Variants in GAD1 observed in about 807,000 individuals in gnomAD.
The protein encoded by GAD1 is 67 kDa glutamic acid decarboxylase.
In GAD1, 35 loss-of-function variants were observed where a neutral mutation model predicts 75.2. The ratio of observed to expected loss-of-function variants is 0.47; its 90% CI spans 0.36 to 0.62. The LOEUF (loss-of-function observed/expected upper bound fraction) is 0.62, where lower values mean the gene tolerates loss of function less well. Ranked by LOEUF, GAD1 falls within the 20% of genes least tolerant of loss-of-function variation. GAD1 has a pLI of 0.00. For synonymous variants in GAD1, 257 were observed against 271.9 expected (o/e 0.95, Z 0.54); for missense variants, 490 against 758.5 (o/e 0.65, Z 4.16).
chr2:170,857,596 T>C (rs1702878680), intron 15 of GAD1, among the ~76,000 whole-genome samples: 1 of 152,148 alleles, frequency 6.6e-6, no homozygotes, highest in African/African-American at 2.4e-5. Flanking sequence ...AAAAAATATA[T>C]ATAATTTATG....
chr2:170,853,843 C>T lies in GAD1; in HGVS notation c.1264-30C>T, dbSNP rs779299176. The T allele has an allele frequency of 7.4e-6, 12 of 1,612,862 alleles. No homozygotes were observed. Among genetic ancestry groups the T allele is most frequent in the Non-Finnish European group, 1.0e-5 (12 of 1,179,070 alleles). ...CACCCACATCTCTGATGTGTAAATG[C>T]AGATGCACCCATCTTAATTTCCATG... is the stretch of plus-strand genomic sequence containing the variant. On this transcript the variant is annotated intron_variant, in intron 13 of 16. Coordinates refer to ENST00000358196, the MANE Select transcript of GAD1 (RefSeq NM_000817.3). The surrounding 1 kb of genome is among the most constrained non-coding windows in gnomAD (Gnocchi z 4.1).
intron 3 of GAD1, among the ~76,000 whole-genome samples, chr2:170,828,619 G>GCCCTCCTCCCTCTGCTGTCCTCA (rs1242690364): frequency 3.6e-5 from 3 of 84,246 alleles, no homozygotes; most frequent in East Asian, 4.4e-4. Context: ...TGTTGTCCTT[G>GCCCTCCTCCCTCTGCTGTCCTCA]CCCTCCTCCC....
rs1225715250 is a variant in GAD1 at position 170,860,874 on chromosome 2, T to G, written c.*992T>G. Reference sequence around the variant, plus strand: ...AATAGCATCTGCTCTTCTCTTACGCTCTCTGTCTGGCTGTACGTCTGGTGT... The same window carrying G: ...AATAGCATCTGCTCTTCTCTTACGCGCTCTGTCTGGCTGTACGTCTGGTGT... On this transcript the variant is annotated 3_prime_UTR_variant, in exon 17 of 17. Coordinates refer to ENST00000358196, the MANE Select transcript of GAD1 (RefSeq NM_000817.3). 6.7e-6 allele frequency: 1 copy of G among 149,996 alleles called. No homozygotes were observed. The highest frequency in any genetic ancestry group is 1.5e-5 in the Non-Finnish European group (1 of 68,028). The allele number at this position is 149,996 out of a possible 1,614,324, so 9.3% of individuals were successfully genotyped here. A position where few individuals can be genotyped will look rare whatever the true frequency, so the allele number is the denominator to read the frequency against.
intron 5 of GAD1, among the ~76,000 whole-genome samples, 189 bp from the exon 6 acceptor site, chr2:170,836,604 T>C (rs1387019917): frequency 6.6e-6 from 1 of 152,220 alleles, no homozygotes. Context: ...TTGAGGGACA[T>C]TATGAATGTT....
chr2:170,843,958 C>T, intron 6 of GAD1, 87 bp from the exon 7 acceptor site: 1 of 776,082 alleles, frequency 1.3e-6, no homozygotes, highest in Non-Finnish European at 2.3e-6. Context: ...AACCCAACTA[C>T]AAATACTAAA....
chr2:170,827,642 G>A (rs1046056807), intron 3 of GAD1, among the ~76,000 whole-genome samples: 3 of 152,146 alleles, frequency 2.0e-5, no homozygotes, highest in African/African-American at 4.8e-5. Flanking sequence ...TGAGAATCCC[G>A]CCCTGGGCTC....
At chr2:170,825,033 T>C (rs1374122914) in intron 3 of GAD1, among the ~76,000 whole-genome samples, 1 of 152,050 alleles carries the variant, frequency 6.6e-6, no homozygotes, top group Non-Finnish European at 1.5e-5. Context: ...CTGGTTTCTC[T>C]TGAAAAAACT....
Position 170,845,585 on chromosome 2 carries a change from G to C in GAD1, c.831G>C (p.Ala277=). 1 of 1,614,134 alleles carries C rather than the reference G, an allele frequency of 6.2e-7. No individual in the cohort carries two copies. The highest frequency in any genetic ancestry group is 1.1e-5 in the South Asian group (1 of 91,082). Residue 277 remains alanine (A), a synonymous_variant, in exon 8 of 17, where the codon GCG becomes GCC. Transcript: ENST00000358196. ...YFPEVKTKGM[A]AVPKLVLFTS... ...CGGAAGTTAAGACAAAGGGCATGGC[G>C]GCTGTGCCTAAACTGGTCCTCTTCA...
rs963534903 is a variant in GAD1 at position 170,853,295 on chromosome 2, C to T, written c.1263+503C>T. 1 of 208,270 alleles carries T rather than the reference C, an allele frequency of 4.8e-6. No homozygotes were observed. Among genetic ancestry groups the T allele is most frequent in the African/African-American group, 2.3e-5 (1 of 43,274 alleles). 12.9% of individuals were successfully genotyped at this position (208,270 alleles called of 1,614,324 possible). ...GTTGAGCCTCATATTCCCTTCTTCA[C>T]ATGCCTAATGTTAGGATCCTGCCCT... On this transcript the variant is annotated intron_variant, in intron 13 of 16. Coordinates refer to ENST00000358196, the MANE Select transcript of GAD1 (RefSeq NM_000817.3). The surrounding 1 kb of genome is among the most constrained non-coding windows in gnomAD (Gnocchi z 4.1).
At chr2:170,855,806 G>A (rs912614487) in intron 14 of GAD1, among the ~76,000 whole-genome samples, 2 of 146,674 alleles carry the variant, frequency 1.4e-5, no homozygotes, top group Non-Finnish European at 3.0e-5. Flanking sequence ...CCAGGAGGCG[G>A]AGGTTGCAGT....
chr2:170,859,979 T>C lies in GAD1; in HGVS notation c.*97T>C, dbSNP rs1385194832. On this transcript the variant is annotated 3_prime_UTR_variant, in exon 17 of 17. Transcript: ENST00000358196. ...TTGCTGAAACACACAGGCCATTTCA[T>C]TGAGGGAAAACATAATATCTTGAAG... is the stretch of plus-strand genomic sequence containing the variant. 9 of 1,081,912 alleles carry C rather than the reference T, an allele frequency of 8.3e-6. No homozygotes were observed. Among genetic ancestry groups the C allele is most frequent in the Admixed American group, 3.9e-5 (2 of 51,162 alleles). 67.0% of individuals were successfully genotyped at this position (1,081,912 alleles called of 1,614,324 possible). A position where few individuals can be genotyped will look rare whatever the true frequency, so the allele number is the denominator to read the frequency against.
At chr2:170,836,197 G>T (rs548332009) in intron 5 of GAD1, among the ~76,000 whole-genome samples, 2 of 151,186 alleles carry the variant, frequency 1.3e-5, no homozygotes, top group African/African-American at 4.9e-5. Context: ...CCAGCCACAC[G>T]TCCCTAGATA....
At position 170,857,005 on chromosome 2, in the gene GAD1, C is replaced by G; in HGVS notation, c.1414-13C>G. 1 of 1,609,382 alleles carries G rather than the reference C, an allele frequency of 6.2e-7. No homozygotes were observed. Among genetic ancestry groups the G allele is most frequent in the Non-Finnish European group, 8.5e-7 (1 of 1,175,912 alleles). On this transcript the variant is annotated splice_polypyrimidine_tract_variant and intron_variant, in intron 14 of 16. Coordinates refer to ENST00000358196, the MANE Select transcript of GAD1 (RefSeq NM_000817.3). ...AAATGCAACCACAAACATGACTTTTCTCTTTAAAACAGGGCACAGTGGGAT... is the reference window on the plus strand; with the variant it reads ...AAATGCAACCACAAACATGACTTTTGTCTTTAAAACAGGGCACAGTGGGAT...
At chr2:170,859,627 A>G in intron 16 of GAD1, 82 bp from the exon 17 acceptor site, 2 of 1,391,158 alleles carry the variant, frequency 1.4e-6, no homozygotes, top group South Asian at 2.4e-5. Flanking sequence ...CACAAATAGT[A>G]AAATGCAAGT....
At chr2:170,855,896 G>T (rs964128278) in intron 14 of GAD1, among the ~76,000 whole-genome samples, 4 of 117,826 alleles carry the variant, frequency 3.4e-5, no homozygotes, top group Admixed American at 8.2e-5. Flanking sequence ...AAAAAAAAAA[G>T]CCATAAACGG....
Position 170,818,341 on chromosome 2 carries a change from A to G in GAD1, c.-63-188A>G. 1 of 526,272 alleles carries G rather than the reference A, an allele frequency of 1.9e-6. No individual in the cohort carries two copies. The highest frequency in any genetic ancestry group is 2.0e-5 in the South Asian group (1 of 49,118). 32.6% of individuals were successfully genotyped at this position (526,272 alleles called of 1,614,324 possible). A position where few individuals can be genotyped will look rare whatever the true frequency, so the allele number is the denominator to read the frequency against. On this transcript the variant is annotated intron_variant, in intron 1 of 16. Coordinates refer to ENST00000358196, the MANE Select transcript of GAD1 (RefSeq NM_000817.3). This position sits in a 1 kb window ranked among gnomAD's most constrained non-coding sequence, Gnocchi z 5.9. Reference sequence around the variant, plus strand: ...CTCCCTGCGCCCCAGTACCGGAGCTAGCGCGCACGTCTCCTCCGCTGCCCC... The same window carrying G: ...CTCCCTGCGCCCCAGTACCGGAGCTGGCGCGCACGTCTCCTCCGCTGCCCC...
In GAD1 at chr2:170,857,092, CAG is replaced by C; in HGVS notation, c.1492_1493del (p.Glu498ArgfsTer3). On this transcript the variant is annotated frameshift_variant, in exon 15 of 17. Coordinates refer to ENST00000358196, the MANE Select transcript of GAD1 (RefSeq NM_000817.3). LOFTEE classifies it high-confidence loss of function. ...AATACCTCTATGCCAAGATTAAAAA[CAG>C]AGAAGAATTTGAGATGGTTTTCAAT... is the stretch of plus-strand genomic sequence containing the variant. ...AEYLYAKIKN[R>X]EEFEMVFNGE... 1.2e-6 allele frequency: 2 copies of C among 1,613,842 alleles called. No individual in the cohort carries two copies. The highest frequency in any genetic ancestry group is 1.7e-6 in the Non-Finnish European group (2 of 1,179,908).
intron 6 of GAD1, 135 bp from the exon 7 acceptor site, chr2:170,843,910 A>G: frequency 1.5e-6 from 1 of 667,364 alleles, no homozygotes; most frequent in Non-Finnish European, 2.7e-6. Context: ...TTTCCAGGAA[A>G]TGAATCATGT....
At chr2:170,859,002 C>T in intron 16 of GAD1, 109 bp downstream of exon 16, 1 of 1,021,440 alleles carries the variant, frequency 9.8e-7, no homozygotes, top group Non-Finnish European at 1.5e-6. Context: ...AAAATAAAGC[C>T]TTGGGGTGGG....
Sources: gnomAD v4.1 joint callset for allele counts (sites outside exome capture counted in the v4.1 genomes callset) on GRCh38, gnomAD v4.1.1 for gene constraint, Gnocchi (gnomAD v3.1) non-coding constraint, MANE v1.5 for transcripts, NCBI Gene and HGNC (gene_info 2026-07-23, HGNC 2026-07-21) for gene names.